Variants in RAB32 observed in about 807,000 individuals in gnomAD.
The protein encoded by RAB32 is ras-related protein Rab-32.
Under a neutral mutation model 17.5 loss-of-function variants are expected in RAB32, and 17 were observed. The observed-to-expected ratio is 0.97, with a 90% confidence interval of 0.67 to 1.46. The LOEUF is 1.46. Among genes scored for constraint, RAB32 ranks in the 40% most tolerant of loss-of-function variants. The pLI, the probability that RAB32 is intolerant of heterozygous loss-of-function variation, is 0.00. For missense variants in RAB32, 288 were observed against 284.3 expected (o/e 1.01, Z -0.09); for synonymous variants, 115 against 111.1 (o/e 1.04, Z -0.22).
At chr6:146,550,733 G>T (rs900577321) in intron 2 of RAB32, among the ~76,000 whole-genome samples, 1 of 144,708 alleles carries the variant, frequency 6.9e-6, no homozygotes, top group Admixed American at 6.9e-5. Flanking sequence ...TTGGGGGGGG[G>T]GTTACGTGCA....
Position 146,554,577 on chromosome 6 carries a change from G to A in RAB32, c.650G>A (p.Arg217Lys), listed in dbSNP as rs887364783. The A allele has an allele frequency of 1.2e-6, 2 of 1,613,548 alleles. No homozygotes were observed. The highest frequency in any genetic ancestry group is 8.5e-7 in the Non-Finnish European group (1 of 1,179,726). The change falls in exon 3 of 3, where the codon AGA becomes AAA. Residue 217 changes from arginine (R) to lysine (K), a missense_variant. Coordinates refer to ENST00000367495, the MANE Select transcript of RAB32 (RefSeq NM_006834.5). Reference protein sequence around the residue: ...DKIKLDQETLRAENKSQCC With the variant: ...DKIKLDQETLKAENKSQCC ...ATTAAGCTAGATCAAGAGACCTTGA[G>A]AGCAGAGAACAAATCCCAGTGTTGC...
intron 1 of RAB32, among the ~76,000 whole-genome samples, chr6:146,545,158 A>G (rs555438541): frequency 1.3e-5 from 2 of 151,880 alleles, no homozygotes; most frequent in Non-Finnish European, 2.9e-5. Flanking sequence ...AGTCCCAGCT[A>G]CTCAGGAGCC....
chr6:146,545,559 C>G (rs1382229971), intron 1 of RAB32, among the ~76,000 whole-genome samples: 1 of 152,168 alleles, frequency 6.6e-6, no homozygotes, highest in Non-Finnish European at 1.5e-5. Flanking sequence ...TAACCTATAA[C>G]TCATTCATTT....
intron 2 of RAB32, among the ~76,000 whole-genome samples, chr6:146,553,843 GT>G (rs1262666526): frequency 5.3e-5 from 8 of 152,256 alleles, no homozygotes; most frequent in Non-Finnish European, 1.0e-4. Context: ...AATAAGCACA[GT>G]TTTTGCAATG....
At chr6:146,550,366 T>C (rs1486060724) in intron 2 of RAB32, among the ~76,000 whole-genome samples, 1 of 152,162 alleles carries the variant, frequency 6.6e-6, no homozygotes, top group Non-Finnish European at 1.5e-5. Context: ...AACAGTCTAG[T>C]GACCAGGCAC....
At position 146,554,653 on chromosome 6, in the gene RAB32, C is replaced by G; in HGVS notation, c.*48C>G. On this transcript the variant is annotated 3_prime_UTR_variant, in exon 3 of 3. Transcript: ENST00000367495. ...TGTGTGCCTCAGCTCTGAAGAAGTTCCTGAGAATGGGTTACAGATGTCATG... is the reference window on the plus strand; with the variant it reads ...TGTGTGCCTCAGCTCTGAAGAAGTTGCTGAGAATGGGTTACAGATGTCATG... 2 of 1,568,368 alleles carry G rather than the reference C, an allele frequency of 1.3e-6. No individual in the cohort carries two copies. The highest frequency in any genetic ancestry group is 2.4e-5 in the South Asian group (2 of 83,090).
chr6:146,548,923 A>C (rs1779859803), intron 1 of RAB32, among the ~76,000 whole-genome samples: 1 of 152,210 alleles, frequency 6.6e-6, no homozygotes, highest in African/African-American at 2.4e-5. Context: ...TGTATCTACT[A>C]CTTACAGGGG....
chr6:146,551,384 C>T (rs1779896668), intron 2 of RAB32, among the ~76,000 whole-genome samples: 1 of 152,014 alleles, frequency 6.6e-6, no homozygotes, highest in Non-Finnish European at 1.5e-5. Flanking sequence ...GCCACCATGC[C>T]CAGCTACTTT....
chr6:146,553,121 G>T lies in RAB32; in HGVS notation c.529-1335G>T, dbSNP rs1435987640. ...TAGGGTACATGTGCACAACGTGCAG[G>T]TTAGTCACGTATGTATACATGTGTG... On this transcript the variant is annotated intron_variant, in intron 2 of 2. Coordinates refer to ENST00000367495, the MANE Select transcript of RAB32 (RefSeq NM_006834.5). Among the ~76,000 whole-genome samples, 4 of 152,094 alleles carry T rather than the reference G, an allele frequency of 2.6e-5. No individual in the cohort carries two copies. In the East Asian group the frequency reaches 5.8e-4, roughly 22 times the overall value.
At chr6:146,550,914 G>A (rs957289265) in intron 2 of RAB32, among the ~76,000 whole-genome samples, 2 of 152,170 alleles carry the variant, frequency 1.3e-5, no homozygotes, top group South Asian at 4.1e-4. Context: ...GTGTTTACGG[G>A]TGTTTTTATA....
At chr6:146,544,242 G>C (rs1217891866) in intron 1 of RAB32, 121 bp downstream of exon 1, 9 of 1,334,260 alleles carry the variant, frequency 6.7e-6, no homozygotes, top group Non-Finnish European at 9.0e-6. Context: ...GGAGAAGAGA[G>C]AGGCCCAATC....
At chr6:146,549,036 AT>A (rs1779861116) in intron 1 of RAB32, among the ~76,000 whole-genome samples, 1 of 152,174 alleles carries the variant, frequency 6.6e-6, no homozygotes, top group Non-Finnish European at 1.5e-5. Context: ...GCCCTAATCT[AT>A]TTGACTAGCA....
Position 146,549,487 on chromosome 6 carries a change from A to G in RAB32, c.274A>G (p.Thr92Ala). 6.2e-7 allele frequency: 1 copy of G among 1,613,968 alleles called. No individual in the cohort carries two copies. The highest frequency in any genetic ancestry group is 1.1e-5 in the South Asian group (1 of 91,068). ...AGGGCAGGAGCGATTTGGCAACATG[A>G]CCCGAGTATACTACAAGGAAGCTGT... is the stretch of plus-strand genomic sequence containing the variant. Reference protein sequence around the residue: ...IAGQERFGNMTRVYYKEAVGA... With the variant: ...IAGQERFGNMARVYYKEAVGA... Residue 92 changes from threonine (T) to alanine (A), a missense_variant, in exon 2 of 3, where the codon ACC becomes GCC. Transcript: ENST00000367495.
At position 146,549,518 on chromosome 6, in the gene RAB32, C is replaced by T. The variant is rs1236243046; in HGVS notation, c.305C>T (p.Ala102Val). 2 of 1,614,022 alleles carry T rather than the reference C, an allele frequency of 1.2e-6. No homozygotes were observed. Among genetic ancestry groups the T allele is most frequent in the Non-Finnish European group, 1.7e-6 (2 of 1,179,914 alleles). Reference sequence around the variant, plus strand: ...GTATACTACAAGGAAGCTGTTGGTGCTTTTGTAGTCTTTGATATATCAAGA... The same window carrying T: ...GTATACTACAAGGAAGCTGTTGGTGTTTTTGTAGTCTTTGATATATCAAGA... ...TRVYYKEAVGAFVVFDISRSS... is the reference protein window; with the variant it reads ...TRVYYKEAVGVFVVFDISRSS... The change falls in exon 2 of 3, where the codon GCT becomes GTT. Residue 102 changes from alanine to valine, a missense_variant. Ala to Val is a moderately conservative substitution (Grantham distance 64). Transcript: ENST00000367495.
chr6:146,552,786 G>A (rs1779912879), intron 2 of RAB32, among the ~76,000 whole-genome samples: 1 of 152,124 alleles, frequency 6.6e-6, no homozygotes, highest in Non-Finnish European at 1.5e-5. Context: ...GGAATCTCTA[G>A]AGAAATGCCT....
At chr6:146,548,346 T>C (rs1186047310) in intron 1 of RAB32, among the ~76,000 whole-genome samples, 1 of 152,204 alleles carries the variant, frequency 6.6e-6, no homozygotes, top group Non-Finnish European at 1.5e-5. Flanking sequence ...TATTGCATTG[T>C]AGAGTTTGGA....
At chr6:146,547,499 TG>T (rs1367852616) in intron 1 of RAB32, among the ~76,000 whole-genome samples, 1 of 152,072 alleles carries the variant, frequency 6.6e-6, no homozygotes, top group Admixed American at 6.5e-5. Context: ...AAGCATAAAA[TG>T]TGTGCTTGGA....
chr6:146,547,841 T>C (rs919839654), intron 1 of RAB32, among the ~76,000 whole-genome samples: 1 of 152,092 alleles, frequency 6.6e-6, no homozygotes, highest in African/African-American at 2.4e-5. Flanking sequence ...ATTAAAGATA[T>C]AGTCCAAAGG....
At chr6:146,552,844 T>C (rs914826719) in intron 2 of RAB32, among the ~76,000 whole-genome samples, 6 of 152,174 alleles carry the variant, frequency 3.9e-5, no homozygotes, top group Non-Finnish European at 7.4e-5. Context: ...GCCTGAGATA[T>C]TTTGTTGTGC....
Sources: gnomAD v4.1 joint callset for allele counts (sites outside exome capture counted in the v4.1 genomes callset) on GRCh38, gnomAD v4.1.1 for gene constraint, MANE v1.5 for transcripts, NCBI Gene and HGNC (gene_info 2026-07-23, HGNC 2026-07-21) for gene names.